The following NELL1 variants were observed in gnomAD, a reference collection of about 807,000 sequenced individuals.
NELL1 encodes protein kinase C-binding protein NELL1.
NELL1 carries 76 observed loss-of-function variants against 107.4 expected under a neutral mutation model. That is an observed-to-expected ratio of 0.71 (90% confidence interval 0.59 to 0.86). The LOEUF (loss-of-function observed/expected upper bound fraction) is 0.86. Ranked by LOEUF, NELL1 falls within the 40% of genes least tolerant of loss-of-function variation. The pLI is 0.00. For synonymous variants in NELL1, 353 were observed against 341.2 expected (o/e 1.03, Z -0.38); for missense variants, 1,024 against 1,005.5 (o/e 1.02, Z -0.25).
intron 2 of NELL1, among the ~76,000 whole-genome samples, chr11:20,757,622 T>G (rs893239929): frequency 2.0e-5 from 3 of 152,244 alleles, no homozygotes; most frequent in African/African-American, 7.2e-5. Flanking sequence ...TTAGGTTATG[T>G]GAAATGAGTT....
chr11:21,520,685 C>G (rs1035249972), intron 15 of NELL1, among the ~76,000 whole-genome samples: 2 of 152,102 alleles, frequency 1.3e-5, no homozygotes, highest in African/African-American at 4.8e-5. Flanking sequence ...TCACTTACAA[C>G]AGAGGGCCCA....
intron 16 of NELL1, among the ~76,000 whole-genome samples, chr11:21,558,733 G>A (rs553061393): frequency 3.3e-5 from 5 of 152,114 alleles, no homozygotes; most frequent in South Asian, 2.1e-4. Flanking sequence ...TAACTGTTAC[G>A]TGTAAAATGA....
chr11:20,913,616 T>C (rs1209639090), intron 5 of NELL1, among the ~76,000 whole-genome samples: 24 of 151,960 alleles, frequency 1.6e-4, no homozygotes, highest in Admixed American at 1.6e-3. Context: ...TATTTTTCAG[T>C]GCATGGTGAG....
At chr11:21,538,593 CAGA>C (rs1332298323) in intron 16 of NELL1, among the ~76,000 whole-genome samples, 3 of 152,008 alleles carry the variant, frequency 2.0e-5, no homozygotes, top group Admixed American at 6.6e-5. Flanking sequence ...TTAATATTTG[CAGA>C]AGATGATAAT....
chr11:20,779,062 C>G (rs1280847426), intron 2 of NELL1, among the ~76,000 whole-genome samples: 2 of 152,100 alleles, frequency 1.3e-5, no homozygotes, highest in Non-Finnish European at 2.9e-5. Flanking sequence ...TGGGAGGTTT[C>G]CAGAGCCCAC....
intron 2 of NELL1, among the ~76,000 whole-genome samples, chr11:20,756,294 C>T (rs1045396324): frequency 2.0e-5 from 3 of 151,996 alleles, no homozygotes; most frequent in African/African-American, 2.4e-5. Context: ...ATGATAGTTG[C>T]ACTAGAGCAG....
intron 2 of NELL1, among the ~76,000 whole-genome samples, chr11:20,720,792 G>C (rs1855362549): frequency 6.6e-6 from 1 of 152,050 alleles, no homozygotes; most frequent in Non-Finnish European, 1.5e-5. Context: ...AAGGATACCA[G>C]TCATACTGGG....
intron 12 of NELL1, among the ~76,000 whole-genome samples, chr11:21,088,940 T>G (rs939414938): frequency 6.6e-6 from 1 of 152,200 alleles, no homozygotes; most frequent in Non-Finnish European, 1.5e-5. Context: ...CATTTGAAGA[T>G]AGCATCTATG....
chr11:21,169,747 A>T, intron 13 of NELL1: 1 of 1,013,734 alleles, frequency 9.9e-7, no homozygotes, highest in Non-Finnish European at 1.4e-6. Flanking sequence ...GACCAGTCTG[A>T]CTCCTAGGCA....
intron 15 of NELL1, among the ~76,000 whole-genome samples, chr11:21,400,635 CTT>C (rs1852075947): frequency 6.6e-6 from 1 of 151,916 alleles, no homozygotes; most frequent in South Asian, 2.1e-4. Context: ...CCTAGAGAAA[CTT>C]TCATTTCTGC....
chr11:21,311,456 T>G (rs1849747309), intron 14 of NELL1, among the ~76,000 whole-genome samples: 1 of 152,188 alleles, frequency 6.6e-6, no homozygotes, highest in African/African-American at 2.4e-5. Flanking sequence ...TTTTGGGAAC[T>G]GCTTTTTTAT....
chr11:21,321,544 T>C (rs1026709541), intron 14 of NELL1, among the ~76,000 whole-genome samples: 1 of 152,158 alleles, frequency 6.6e-6, no homozygotes, highest in Admixed American at 6.6e-5. Flanking sequence ...TGATATAGAA[T>C]AGGAGAGAGC....
chr11:21,469,679 A>G (rs1241096092), intron 15 of NELL1, among the ~76,000 whole-genome samples: 1 of 152,092 alleles, frequency 6.6e-6, no homozygotes, highest in Non-Finnish European at 1.5e-5. Context: ...AAAGATAAGG[A>G]ATGTGATTTC....
intron 16 of NELL1, among the ~76,000 whole-genome samples, chr11:21,552,822 G>C (rs972042712): frequency 6.6e-6 from 1 of 151,756 alleles, no homozygotes; most frequent in Non-Finnish European, 1.5e-5. Context: ...TGCCCTTCTT[G>C]GAATGGTGGT....
intron 15 of NELL1, among the ~76,000 whole-genome samples, chr11:21,374,757 G>A (rs1316240472): frequency 9.2e-5 from 14 of 151,912 alleles, no homozygotes; most frequent in Admixed American, 7.9e-4. Context: ...AAATTTTCTG[G>A]TTTTAGTCTT....
intron 3 of NELL1, among the ~76,000 whole-genome samples, chr11:20,833,063 G>A (rs1007567292): frequency 1.3e-5 from 2 of 152,276 alleles, no homozygotes; most frequent in Non-Finnish European, 2.9e-5. Context: ...AGTGGTCTGT[G>A]TTGATTCTTA....
intron 3 of NELL1, among the ~76,000 whole-genome samples, chr11:20,825,169 GC>G (rs1360227984): frequency 6.6e-6 from 1 of 151,370 alleles, no homozygotes; most frequent in Non-Finnish European, 1.5e-5. Flanking sequence ...GTATGGCAAT[GC>G]CTGCTTATCC....
At chr11:21,360,990 A>G (rs1159296554) in intron 14 of NELL1, among the ~76,000 whole-genome samples, 1 of 152,130 alleles carries the variant, frequency 6.6e-6, no homozygotes, top group East Asian at 1.9e-4. Flanking sequence ...GTACTGTTCT[A>G]TTCATCATGC....
chr11:21,228,594 A>G (rs548842238), intron 13 of NELL1, among the ~76,000 whole-genome samples: 21 of 151,726 alleles, frequency 1.4e-4, no homozygotes, highest in Non-Finnish European at 2.6e-4. Flanking sequence ...GCTAGGCTAT[A>G]TTCACCAGCC....
Sources: allele counts gnomAD v4.1 joint callset (sites outside exome capture counted in the v4.1 genomes callset), GRCh38; gene constraint gnomAD v4.1.1; transcripts MANE v1.5; gene names NCBI Gene and HGNC (gene_info 2026-07-23, HGNC 2026-07-21).